The following SRGAP2 variants were observed in gnomAD, a reference collection of about 807,000 sequenced individuals.
SRGAP2 encodes the protein SLIT-ROBO Rho GTPase-activating protein 2.
A neutral mutation model predicts 57.2 loss-of-function variants in SRGAP2; 15 were observed. That is an observed-to-expected ratio of 0.26 (90% CI 0.18 to 0.40). The LOEUF is 0.40. Among genes scored for constraint, SRGAP2 ranks in the 10% least tolerant of loss-of-function variants. The probability of loss-of-function intolerance (pLI) is 1.00; values close to 1 mark genes in which losing one functional copy is unlikely to be tolerated. For synonymous variants in SRGAP2, 249 were observed against 248.0 expected (o/e 1.00, Z -0.04); for missense variants, 520 against 669.6 (o/e 0.78, Z 2.47).
chr1:206,441,915 G>T (rs1553372178), intron 17 of SRGAP2, among the ~76,000 whole-genome samples: 1 of 152,162 alleles, frequency 6.6e-6, no homozygotes, highest in Non-Finnish European at 1.5e-5. Flanking sequence ...GAACAAAAAT[G>T]TTTCTCTGGA....
intron 4 of SRGAP2, among the ~76,000 whole-genome samples, chr1:206,363,541 C>A (rs1319931062): frequency 6.6e-6 from 1 of 151,812 alleles, no homozygotes; most frequent in Non-Finnish European, 1.5e-5. Context: ...TTGCTAATGT[C>A]CAATTCAAAT....
At chr1:206,446,350 G>T in intron 18 of SRGAP2, 51 bp downstream of exon 18, 1 of 771,942 alleles carries the variant, frequency 1.3e-6, no homozygotes, top group Non-Finnish European at 2.4e-6. Context: ...GCACACACTG[G>T]CATGGGAGCC....
chr1:206,394,064 TGAGA>T, intron 7 of SRGAP2, among the ~76,000 whole-genome samples: 1 of 122,984 alleles, frequency 8.1e-6, no homozygotes, highest in South Asian at 2.8e-4. Context: ...TTTTTTTTTT[TGAGA>T]TAGAGTCTTG....
chr1:206,301,775 A>G (rs1671888108), intron 2 of SRGAP2, among the ~76,000 whole-genome samples: 1 of 150,872 alleles, frequency 6.6e-6, no homozygotes, highest in Non-Finnish European at 1.5e-5. Context: ...AATTGCGCTT[A>G]CAGATCACCT....
intron 14 of SRGAP2, among the ~76,000 whole-genome samples, chr1:206,436,364 T>C (rs1161871664): frequency 2.0e-5 from 3 of 152,024 alleles, no homozygotes; most frequent in Non-Finnish European, 4.4e-5. Flanking sequence ...TTTTTTTTTT[T>C]TCTTTGAGAT....
chr1:206,420,405 G>A (rs1660191640), intron 12 of SRGAP2, among the ~76,000 whole-genome samples: 1 of 152,180 alleles, frequency 6.6e-6, no homozygotes, highest in African/African-American at 2.4e-5. Context: ...GTCTGTGGAA[G>A]GCTCTGTAGG....
chr1:206,284,011 G>C (rs1169215649), intron 2 of SRGAP2, among the ~76,000 whole-genome samples: 12 of 149,400 alleles, frequency 8.0e-5, no homozygotes, highest in Non-Finnish European at 1.5e-4. Flanking sequence ...AATATAGTTG[G>C]AAATTTAATT....
chr1:206,422,734 A>C, intron 13 of SRGAP2, among the ~76,000 whole-genome samples: 1 of 152,200 alleles, frequency 6.6e-6, no homozygotes, highest in East Asian at 1.9e-4. Flanking sequence ...GGTTGGGCTC[A>C]CTGTTGGAGG....
chr1:206,461,639 G>A lies in SRGAP2; in HGVS notation c.*219G>A. The A allele has an allele frequency of 1.8e-6, 1 of 550,780 alleles. No individual in the cohort carries two copies. The highest frequency in any genetic ancestry group is 3.2e-6 in the Non-Finnish European group (1 of 311,902). The allele number at this position is 550,780 out of a possible 1,614,324, so 34.1% of individuals were successfully genotyped here. On this transcript the variant is annotated 3_prime_UTR_variant, in exon 23 of 23. Transcript: ENST00000573034. ...TGCTTCCCCCAGTCGTCGTAATTCA[G>A]CCAGCTGCAGTCCGTACCGTTCTTA...
At chr1:206,273,232 T>C (rs1670228734) in intron 2 of SRGAP2, among the ~76,000 whole-genome samples, 2 of 151,634 alleles carry the variant, frequency 1.3e-5, no homozygotes, top group Admixed American at 6.6e-5. Context: ...CCCTGAAGAA[T>C]GGGAGAATGC....
intron 10 of SRGAP2, among the ~76,000 whole-genome samples, chr1:206,414,699 C>T (rs1553360818): frequency 6.6e-6 from 1 of 152,174 alleles, no homozygotes; most frequent in South Asian, 2.1e-4. Context: ...TAGATTGGGC[C>T]TGACACTACC....
At chr1:206,307,404 C>A (rs1339854930) in intron 3 of SRGAP2, among the ~76,000 whole-genome samples, 1 of 152,258 alleles carries the variant, frequency 6.6e-6, no homozygotes, top group African/African-American at 2.4e-5. Flanking sequence ...GTGGATCCCG[C>A]ACCGGGGCTG....
intron 17 of SRGAP2, among the ~76,000 whole-genome samples, chr1:206,441,665 G>A (rs1313422240): frequency 1.3e-5 from 2 of 152,116 alleles, no homozygotes; most frequent in African/African-American, 4.8e-5. Flanking sequence ...TTACATTTGG[G>A]GAAATTTCAC....
At chr1:206,276,961 C>G (rs1356407517) in intron 2 of SRGAP2, among the ~76,000 whole-genome samples, 1 of 149,990 alleles carries the variant, frequency 6.7e-6, no homozygotes, top group African/African-American at 2.4e-5. Context: ...GGTCATCTAT[C>G]ACTCTTTTTT....
chr1:206,453,556 G>A (rs1268726989), intron 20 of SRGAP2, 176 bp downstream of exon 20: 6 of 341,310 alleles, frequency 1.8e-5, no homozygotes, highest in Non-Finnish European at 3.0e-5. Flanking sequence ...CCCACTCCCT[G>A]CACTCAGTGG....
At chr1:206,348,328 A>G (rs1402243990) in intron 4 of SRGAP2, among the ~76,000 whole-genome samples, 7 of 150,792 alleles carry the variant, frequency 4.6e-5, no homozygotes, top group South Asian at 2.1e-4. Flanking sequence ...GGCAAATATT[A>G]TTGCTGCCAC....
At chr1:206,399,197 T>C (rs1462807928) in intron 7 of SRGAP2, among the ~76,000 whole-genome samples, 1 of 151,940 alleles carries the variant, frequency 6.6e-6, no homozygotes, top group Non-Finnish European at 1.5e-5. Flanking sequence ...TAAAGGGAGT[T>C]GATGTTGGAT....
intron 11 of SRGAP2, among the ~76,000 whole-genome samples, chr1:206,419,019 A>AGGGC (rs1441758038): frequency 2.0e-5 from 3 of 151,620 alleles, no homozygotes; most frequent in Non-Finnish European, 4.4e-5. Context: ...CATCTCTGGG[A>AGGGC]GGGCTTCTAA....
rs1267726538 is a variant in SRGAP2 at position 206,445,756 on chromosome 1, T to C, written c.1875-319T>C. On this transcript the variant is annotated intron_variant, in intron 17 of 22. Coordinates refer to ENST00000573034, the MANE Select transcript of SRGAP2 (RefSeq NM_015326.5). The stretch of plus-strand genomic sequence containing the variant: ...GCAGAGTGACATGTTCTCAAGGTCA[T>C]GTGGCCTTTGATAGATAAGATCCGG... 4.6e-5 allele frequency among the ~76,000 whole-genome samples: 7 copies of C among 152,294 alleles called. No homozygotes were observed. In the South Asian group the frequency reaches 1.0e-3, roughly 23 times the overall value.
Sources: allele counts gnomAD v4.1 joint callset (sites outside exome capture counted in the v4.1 genomes callset), GRCh38; gene constraint gnomAD v4.1.1; transcripts MANE v1.5; gene names NCBI Gene and HGNC (gene_info 2026-07-23, HGNC 2026-07-21).